Variants in NTRK2 observed in about 807,000 individuals in gnomAD.
NTRK2 encodes neurotrophic receptor tyrosine kinase 2, also known as BDNF/NT-3 growth factors receptor.
In NTRK2, 13 loss-of-function variants were observed where a neutral mutation model predicts 94.5. The ratio of observed to expected loss-of-function variants is 0.14; its 90% CI spans 0.09 to 0.22. The LOEUF (loss-of-function observed/expected upper bound fraction) is 0.22, where lower values mean the gene tolerates loss of function less well. NTRK2 is among the 10% of genes least tolerant of loss of function. The probability of loss-of-function intolerance (pLI) is 1.00; values close to 1 mark genes in which losing one functional copy is unlikely to be tolerated. For missense variants in NTRK2, 639 were observed against 1,071.2 expected, an observed-to-expected ratio of 0.60 and a Z score of 5.63; for synonymous variants, 372 against 407.4, an observed-to-expected ratio of 0.91 and a Z score of 1.05.
At chr9:84,827,179 G>T (rs780425234) in intron 12 of NTRK2, among the ~76,000 whole-genome samples, 11 of 152,216 alleles carry the variant, frequency 7.2e-5, no homozygotes, top group Non-Finnish European at 8.8e-5. Flanking sequence ...GCAATGTGAG[G>T]TGTCTTAACT....
chr9:84,872,837 A>T (rs1298401188), intron 14 of NTRK2: 1 of 1,064,794 alleles, frequency 9.4e-7, no homozygotes, highest in Admixed American at 5.3e-5. Context: ...TTATAAAGGG[A>T]GGGAGTATTT....
At chr9:84,885,983 A>T (rs1479800463) in intron 14 of NTRK2, among the ~76,000 whole-genome samples, 1 of 152,050 alleles carries the variant, frequency 6.6e-6, no homozygotes, top group African/African-American at 2.4e-5. Flanking sequence ...GTGAGCTGAG[A>T]TTGCGCCACT....
chr9:84,939,681 A>G (rs2078337378), intron 15 of NTRK2, among the ~76,000 whole-genome samples: 1 of 152,200 alleles, frequency 6.6e-6, no homozygotes, highest in African/African-American at 2.4e-5. Context: ...TATAAAAAGA[A>G]CAATATCATG....
intron 17 of NTRK2, among the ~76,000 whole-genome samples, chr9:84,987,658 TGAG>T (rs72314199): frequency 0.019 from 2,880 of 152,298 alleles, 52 homozygotes; most frequent in Middle Eastern, 0.038. Flanking sequence ...ATGGTAAACA[TGAG>T]GAGAATTAAC....
chr9:85,004,229 G>C (rs912577916), intron 17 of NTRK2, among the ~76,000 whole-genome samples: 1 of 151,768 alleles, frequency 6.6e-6, no homozygotes, highest in Non-Finnish European at 1.5e-5. Flanking sequence ...CATTGGAAAG[G>C]GGGAAGATTG....
intron 17 of NTRK2, among the ~76,000 whole-genome samples, chr9:84,977,299 G>A (rs1827003964): frequency 6.6e-6 from 1 of 152,172 alleles, no homozygotes; most frequent in African/African-American, 2.4e-5. Flanking sequence ...GCACAGCACA[G>A]ACTTCTTGCT....
intron 11 of NTRK2, 119 bp from the exon 12 acceptor site, chr9:84,751,867 G>T: frequency 1.3e-6 from 1 of 791,034 alleles, no homozygotes; most frequent in Non-Finnish European, 2.2e-6. Flanking sequence ...AAGAACAAGT[G>T]GTAAGCATTC....
At position 84,670,414 on chromosome 9, in the gene NTRK2, A is replaced by G; in HGVS notation, c.-335A>G. The G allele has an allele frequency of 4.6e-6, 2 of 435,252 alleles. No individual in the cohort carries two copies. The allele number at this position is 435,252 out of a possible 1,614,324, so 27.0% of individuals were successfully genotyped here. On this transcript the variant is annotated 5_prime_UTR_variant, in exon 2 of 19. Transcript: ENST00000277120. The stretch of plus-strand genomic sequence containing the variant: ...TACCGGACCCCCATTCGCATCTAAC[A>G]AGGAATCTGCGCCCCAGAGAGTCCC...
intron 17 of NTRK2, among the ~76,000 whole-genome samples, chr9:84,994,954 T>C (rs566511027): frequency 1.3e-5 from 2 of 152,294 alleles, no homozygotes; most frequent in African/African-American, 2.4e-5. Context: ...TTGCAATGCA[T>C]AAAACATGCT....
intron 12 of NTRK2, among the ~76,000 whole-genome samples, chr9:84,836,946 A>G (rs2073908435): frequency 7.1e-6 from 1 of 140,068 alleles, no homozygotes. Context: ...ATAATATAAT[A>G]TAATATAATA....
intron 14 of NTRK2, among the ~76,000 whole-genome samples, chr9:84,926,106 T>TCCCTTCC (rs2077759378): frequency 2.8e-5 from 3 of 108,782 alleles, no homozygotes; most frequent in African/African-American, 1.2e-4. Context: ...CCTTCCTTCC[T>TCCCTTCC]TTCCTTCCTT....
chr9:84,882,719 T>TGTGCGCGCGC (rs761042296), intron 14 of NTRK2, among the ~76,000 whole-genome samples: 5 of 145,740 alleles, frequency 3.4e-5, no homozygotes, highest in Non-Finnish European at 6.0e-5. Context: ...TGTGTGTGTG[T>TGTGCGCGCGC]GCGCGCGCGC....
intron 2 of NTRK2, among the ~76,000 whole-genome samples, chr9:84,692,276 A>G (rs1029795565): frequency 1.4e-4 from 22 of 152,242 alleles, no homozygotes; most frequent in Middle Eastern, 6.8e-3. Context: ...TGGGAATTGT[A>G]TTTACCATTA....
chr9:84,880,362 C>T (rs1439112936), intron 14 of NTRK2, among the ~76,000 whole-genome samples: 2 of 152,234 alleles, frequency 1.3e-5, no homozygotes, highest in African/African-American at 4.8e-5. Context: ...CAAGGGAACA[C>T]AGTGTCTAGT....
At chr9:84,847,481 C>G (rs546086855) in intron 12 of NTRK2, among the ~76,000 whole-genome samples, 4 of 152,302 alleles carry the variant, frequency 2.6e-5, no homozygotes, top group South Asian at 2.1e-4. Flanking sequence ...TCTTTTGGCT[C>G]TTTTCCATTT....
intron 14 of NTRK2, chr9:84,874,940 A>G (rs926877599): frequency 9.5e-7 from 1 of 1,056,056 alleles, no homozygotes; most frequent in Non-Finnish European, 1.1e-6. Context: ...TGTCTTCCTC[A>G]CCCAAAATGC....
chr9:84,963,160 A>G (rs1319994994), intron 17 of NTRK2, among the ~76,000 whole-genome samples: 1 of 152,176 alleles, frequency 6.6e-6, no homozygotes, highest in Non-Finnish European at 1.5e-5. Context: ...TTTCCTGCAC[A>G]CCTTTTTCCA....
chr9:84,892,305 C>T (rs1287392101), intron 14 of NTRK2, among the ~76,000 whole-genome samples: 1 of 152,178 alleles, frequency 6.6e-6, no homozygotes, highest in Non-Finnish European at 1.5e-5. Flanking sequence ...CCCTGATTGC[C>T]TTAGCTCTGT....
intron 12 of NTRK2, among the ~76,000 whole-genome samples, chr9:84,822,647 C>T (rs535544518): frequency 3.3e-5 from 5 of 152,252 alleles, no homozygotes; most frequent in East Asian, 3.9e-4. Context: ...CAAGCACCCT[C>T]GACTGCCGTT....
Sources: allele counts gnomAD v4.1 joint callset (sites outside exome capture counted in the v4.1 genomes callset), GRCh38; gene constraint gnomAD v4.1.1; transcripts MANE v1.5; gene names NCBI Gene and HGNC (gene_info 2026-07-23, HGNC 2026-07-21).